Variants in ARHGAP25 observed in about 807,000 individuals in gnomAD.
The protein encoded by ARHGAP25 is rho GTPase-activating protein 25.
Under a neutral mutation model 71.0 loss-of-function variants are expected in ARHGAP25, and 34 were observed. The observed-to-expected ratio is 0.48, with a 90% confidence interval of 0.36 to 0.64. The LOEUF (loss-of-function observed/expected upper bound fraction) is 0.64. ARHGAP25 is among the 30% of genes least tolerant of loss of function. The probability of loss-of-function intolerance (pLI) is 0.00; values close to 1 mark genes in which losing one functional copy is unlikely to be tolerated. For synonymous variants in ARHGAP25, 282 were observed against 296.5 expected (o/e 0.95, Z 0.50); for missense variants, 706 against 805.1 (o/e 0.88, Z 1.49).
intron 1 of ARHGAP25, among the ~76,000 whole-genome samples, chr2:68,739,905 G>T (rs1675426817): frequency 6.6e-6 from 1 of 151,378 alleles, no homozygotes; most frequent in African/African-American, 2.4e-5. Flanking sequence ...AAGTCACTTT[G>T]CAAAGAAAAA....
In ARHGAP25 at chr2:68,783,178, A is replaced by G. The variant is rs572252866; in HGVS notation, c.349+858A>G. On this transcript the variant is annotated intron_variant, in intron 3 of 10. Transcript: ENST00000409202. ...GGAGCTAGCCTGCCCTGACCCTGGC[A>G]CTTACTATTTGTGTAAGAGGTTACT... Among the ~76,000 whole-genome samples, 21 of 152,346 alleles carry G rather than the reference A, an allele frequency of 1.4e-4. No homozygotes were observed. The South Asian group carries it at 4.3e-3, about 32-fold the overall frequency.
At chr2:68,775,166 T>C (rs952599391) in intron 1 of ARHGAP25, 55 bp from the exon 2 acceptor site, 2 of 1,613,992 alleles carry the variant, frequency 1.2e-6, no homozygotes, top group Non-Finnish European at 1.7e-6. Flanking sequence ...CCGCCCACTC[T>C]TTGCTCACTG....
intron 10 of ARHGAP25, among the ~76,000 whole-genome samples, chr2:68,824,422 G>A (rs1681941671): frequency 6.6e-6 from 1 of 152,196 alleles, no homozygotes; most frequent in Non-Finnish European, 1.5e-5. Flanking sequence ...AGAACTTGGA[G>A]AAGAAAAGTA....
chr2:68,761,222 T>C (rs530969906), intron 1 of ARHGAP25, among the ~76,000 whole-genome samples: 1 of 152,164 alleles, frequency 6.6e-6, no homozygotes, highest in Non-Finnish European at 1.5e-5. Context: ...CCTAATACCA[T>C]ATACAAAAAT....
At position 68,807,489 on chromosome 2, in the gene ARHGAP25, C is replaced by T; in HGVS notation, c.674+9C>T. The T allele has an allele frequency of 6.2e-7, 1 of 1,613,320 alleles. No homozygotes were observed. Among genetic ancestry groups the T allele is most frequent in the Non-Finnish European group, 8.5e-7 (1 of 1,179,534 alleles). Reference sequence around the variant, plus strand: ...CGGCCCTCCTTTGACAGGTACATTGCCCCACTGCAGTGTCCCACCTCTGCC... The same window carrying T: ...CGGCCCTCCTTTGACAGGTACATTGTCCCACTGCAGTGTCCCACCTCTGCC... On this transcript the variant is annotated intron_variant, in intron 5 of 10. Coordinates refer to ENST00000409202, the MANE Select transcript of ARHGAP25 (RefSeq NM_001007231.3).
chr2:68,787,840 C>G lies in ARHGAP25; in HGVS notation c.350C>G (p.Ala117Gly). ...AGKFVFEIIP[A>G]SWDQNRMGQD... ...TCACAAGTGCTAATTCTTCCTCCAG[C>G]CTCATGGGACCAGAATCGCATGGGA... is the stretch of plus-strand genomic sequence containing the variant. Residue 117 changes from alanine (A) to glycine (G), a missense_variant and splice_region_variant, in exon 4 of 11, where the codon GCC (alanine) becomes GGC (glycine). Physicochemically the swap from Ala to Gly is moderately conservative, Grantham distance 60. Coordinates refer to ENST00000409202, the MANE Select transcript of ARHGAP25 (RefSeq NM_001007231.3). 2 of 1,613,504 alleles carry G rather than the reference C, an allele frequency of 1.2e-6. No individual in the cohort carries two copies. Among genetic ancestry groups the G allele is most frequent in the Non-Finnish European group, 1.7e-6 (2 of 1,179,402 alleles).
upstream of ARHGAP25, among the ~76,000 whole-genome samples, chr2:68,732,869 C>T (rs1402672658): frequency 6.6e-6 from 1 of 152,194 alleles, no homozygotes; most frequent in Non-Finnish European, 1.5e-5. Context: ...ACCACTGTTC[C>T]TTCAGCCTCG....
Position 68,807,264 on chromosome 2 carries a change from TCTC to T in ARHGAP25, c.467-5_467-3del. ...AATGACGGGCAGGTTCTGTTTGCTC[TCTC>T]CTCAGCAGTGTTTGGCCAGCGCTTG... On this transcript the variant is annotated splice_polypyrimidine_tract_variant and splice_region_variant and intron_variant, in intron 4 of 10. Coordinates refer to ENST00000409202, the MANE Select transcript of ARHGAP25 (RefSeq NM_001007231.3). 1 of 1,614,168 alleles carries T rather than the reference TCTC, an allele frequency of 6.2e-7. No homozygotes were observed. The highest frequency in any genetic ancestry group is 8.5e-7 in the Non-Finnish European group (1 of 1,180,008).
chr2:68,797,120 ACT>A (rs1331354508), intron 4 of ARHGAP25, among the ~76,000 whole-genome samples: 1 of 152,044 alleles, frequency 6.6e-6, no homozygotes, highest in Non-Finnish European at 1.5e-5. Flanking sequence ...TGGATCCCAC[ACT>A]CTGTCTTGGA....
chr2:68,736,831 C>T (rs375377426), intron 1 of ARHGAP25, among the ~76,000 whole-genome samples: 11 of 152,196 alleles, frequency 7.2e-5, no homozygotes, highest in African/African-American at 2.6e-4. Context: ...GCCCAGGATC[C>T]TGCATTTTGA....
At chr2:68,807,572 T>A in intron 5 of ARHGAP25, 92 bp downstream of exon 5, 1 of 1,290,522 alleles carries the variant, frequency 7.7e-7, no homozygotes, top group Non-Finnish European at 1.1e-6. Flanking sequence ...GCTATGGGAC[T>A]TGCATAGAGA....
chr2:68,731,183 T>C (rs1038426784), upstream of ARHGAP25, among the ~76,000 whole-genome samples: 2 of 152,094 alleles, frequency 1.3e-5, no homozygotes, highest in African/African-American at 4.8e-5. Context: ...CAAGTGCCCC[T>C]TGGGTCCCTA....
At chr2:68,808,530 G>T (rs1680542768) in intron 5 of ARHGAP25, among the ~76,000 whole-genome samples, 1 of 152,060 alleles carries the variant, frequency 6.6e-6, no homozygotes, top group Non-Finnish European at 1.5e-5. Context: ...TGTCTTTCTT[G>T]CCCTTAATAA....
At position 68,819,235 on chromosome 2, in the gene ARHGAP25, G is replaced by A; in HGVS notation, c.1116G>A (p.Lys372=). 6.2e-7 allele frequency: 1 copy of A among 1,614,148 alleles called. No homozygotes were observed. Among genetic ancestry groups the A allele is most frequent in the Non-Finnish European group, 8.5e-7 (1 of 1,180,026 alleles). ...CCCCTGCCCAGAAAAATGACCCCAA[G>A]AAAGCTCCAGTGGCCCGAAGCTCTG... The part of the protein sequence containing the change: ...LSPPAQKNDP[K]KAPVARSSVG... The change falls in exon 9 of 11, where the codon AAG becomes AAA. Residue 372 remains lysine (K), a synonymous_variant. Coordinates refer to ENST00000409202, the MANE Select transcript of ARHGAP25 (RefSeq NM_001007231.3).
At chr2:68,740,227 A>C (rs550578995) in intron 1 of ARHGAP25, among the ~76,000 whole-genome samples, 1 of 152,282 alleles carries the variant, frequency 6.6e-6, no homozygotes, top group East Asian at 1.9e-4. Context: ...CATCACTGCC[A>C]TTCACCTTCT....
chr2:68,810,252 A>C (rs1354398260), intron 5 of ARHGAP25, among the ~76,000 whole-genome samples: 1 of 152,190 alleles, frequency 6.6e-6, no homozygotes, highest in Non-Finnish European at 1.5e-5. Context: ...GCCCTAGTAC[A>C]ATGGGGTGCT....
At chr2:68,712,544 T>C (rs902926250) in intron 2 of ARHGAP25, among the ~76,000 whole-genome samples, 2 of 152,248 alleles carry the variant, frequency 1.3e-5, no homozygotes, top group Non-Finnish European at 2.9e-5. Flanking sequence ...TGGCTTTTGT[T>C]GCCATTGCTT....
chr2:68,738,162 A>G (rs1002298690), intron 1 of ARHGAP25, among the ~76,000 whole-genome samples: 3 of 152,180 alleles, frequency 2.0e-5, no homozygotes, highest in Non-Finnish European at 4.4e-5. Context: ...ATCATTTTCA[A>G]TTTTAGAATC....
At position 68,793,787 on chromosome 2, in the gene ARHGAP25, GT is replaced by G. The variant is rs541367913; in HGVS notation, c.466+5839del. On this transcript the variant is annotated intron_variant, in intron 4 of 10. Coordinates refer to ENST00000409202, the MANE Select transcript of ARHGAP25 (RefSeq NM_001007231.3). ...TTTTTTGGTTAAATATAAATTTTAG[GT>G]TTTTTTTCTAGTTCTGTGAAGAAAT... Among the ~76,000 whole-genome samples the G allele has an allele frequency of 3.1e-4, 47 of 151,702 alleles. No individual in the cohort carries two copies. In the East Asian group the frequency reaches 8.5e-3, roughly 27 times the overall value.
Sources: allele counts gnomAD v4.1 joint callset (sites outside exome capture counted in the v4.1 genomes callset), GRCh38; gene constraint gnomAD v4.1.1; transcripts MANE v1.5; gene names NCBI Gene and HGNC (gene_info 2026-07-23, HGNC 2026-07-21).